ENDOV: variants seen among roughly 807,000 people sequenced by gnomAD.
The protein encoded by ENDOV is hEndoV.
A neutral mutation model predicts 39.4 loss-of-function variants in ENDOV; 37 were observed. That is an observed-to-expected ratio of 0.94 (90% CI 0.72 to 1.23). The LOEUF is 1.23. Among genes scored for constraint, ENDOV ranks in the 50% most tolerant of loss-of-function variants. The pLI is 0.00. For missense variants in ENDOV, 441 were observed against 375.7 expected (o/e 1.17, Z -1.44); for synonymous variants, 186 against 163.4 (o/e 1.14, Z -1.05).
At chr17:80,427,763 G>C (rs1406064726) in intron 7 of ENDOV, 2 of 1,289,344 alleles carry the variant, frequency 1.6e-6, no homozygotes, top group Non-Finnish European at 2.0e-6. Flanking sequence ...GGCCGTCTTG[G>C]TGGCCCCATG....
chr17:80,423,492 C>A, intron 4 of ENDOV, 28 bp from the exon 5 acceptor site: 3 of 1,522,904 alleles, frequency 2.0e-6, no homozygotes, highest in Non-Finnish European at 2.7e-6. Context: ...CCCACCTCCC[C>A]AACCCCACCC....
intron 2 of ENDOV, among the ~76,000 whole-genome samples, chr17:80,420,909 T>A (rs1180265340): frequency 1.3e-5 from 2 of 152,146 alleles, no homozygotes; most frequent in African/African-American, 4.8e-5. Context: ...ACTCCCAACC[T>A]CAGGTGATCG....
In ENDOV at chr17:80,436,904, G is replaced by C. The variant is rs947094596; in HGVS notation, c.*761G>C. The C allele has an allele frequency of 6.5e-6, 1 of 152,924 alleles. No individual in the cohort carries two copies. Among genetic ancestry groups the C allele is most frequent in the Non-Finnish European group, 1.5e-5 (1 of 68,346 alleles). The allele number at this position is 152,924 out of a possible 1,614,324, so 9.5% of individuals were successfully genotyped here. Reference sequence around the variant, plus strand: ...TGGGTCTTTGGGAGGATTTTGATTCGATTCAATCTATGTATTTGTTATAGA... The same window carrying C: ...TGGGTCTTTGGGAGGATTTTGATTCCATTCAATCTATGTATTTGTTATAGA... On this transcript the variant is annotated 3_prime_UTR_variant, in exon 10 of 10. Coordinates refer to ENST00000518137, the MANE Select transcript of ENDOV (RefSeq NM_173627.5).
Position 80,428,667 on chromosome 17 carries a change from A to G in ENDOV, c.779+7A>G. 18 of 1,573,752 alleles carry G rather than the reference A, an allele frequency of 1.1e-5. No individual in the cohort carries two copies. Among genetic ancestry groups the G allele is most frequent in the Non-Finnish European group, 1.5e-5 (17 of 1,159,984 alleles). ...CCGGGCCACCCACACCGAGGTGAGC[A>G]CCCAGGGAGGCTGGGGCACTAAAGG... On this transcript the variant is annotated splice_region_variant and intron_variant, in intron 8 of 9. Coordinates refer to ENST00000518137, the MANE Select transcript of ENDOV (RefSeq NM_173627.5).
rs1293626745 is a variant in ENDOV at position 80,427,621 on chromosome 17, C to G, written c.715-975C>G. ...AGGATCGTGTCCTGCAGGGCTGGCTCTGTCTCTCGGTCCATTTTCTTCCTG... is the reference window on the plus strand; with the variant it reads ...AGGATCGTGTCCTGCAGGGCTGGCTGTGTCTCTCGGTCCATTTTCTTCCTG... On this transcript the variant is annotated intron_variant, in intron 7 of 9. Transcript: ENST00000518137. 4.3e-6 allele frequency: 5 copies of G among 1,169,524 alleles called. No individual in the cohort carries two copies. In the South Asian group the frequency reaches 8.1e-5, roughly 19 times the overall value. 72.4% of individuals were successfully genotyped at this position (1,169,524 alleles called of 1,614,324 possible). A position where few individuals can be genotyped will look rare whatever the true frequency, so the allele number is the denominator to read the frequency against.
intron 7 of ENDOV, chr17:80,427,792 C>T: frequency 2.3e-6 from 3 of 1,289,090 alleles, no homozygotes; most frequent in African/African-American, 1.5e-5. Flanking sequence ...CGCTGCGGCG[C>T]TCCTGGTTGC....
chr17:80,416,868 C>T (rs1041728615), intron 2 of ENDOV: 20 of 152,346 alleles, frequency 1.3e-4, no homozygotes, highest in African/African-American at 4.8e-4. Context: ...AGTGATCCTC[C>T]CACCTTAGCC....
Position 80,438,050 on chromosome 17 carries a change from A to G in ENDOV, c.*1907A>G, listed in dbSNP as rs1228960426. The G allele has an allele frequency of 1.3e-5, 2 of 152,208 alleles. No homozygotes were observed. The highest frequency in any genetic ancestry group is 4.8e-5 in the African/African-American group (2 of 41,450). 9.4% of individuals were successfully genotyped at this position (152,208 alleles called of 1,614,324 possible). Reference sequence around the variant, plus strand: ...GGGACCTGGGTCTAGGATTCTCAGTAAGACCTTTGAATAAAACTAACTTGA... The same window carrying G: ...GGGACCTGGGTCTAGGATTCTCAGTGAGACCTTTGAATAAAACTAACTTGA... On this transcript the variant is annotated 3_prime_UTR_variant, in exon 10 of 10. Transcript: ENST00000518137.
At chr17:80,422,929 GA>G (rs1192848927) in intron 4 of ENDOV, among the ~76,000 whole-genome samples, 58 of 152,228 alleles carry the variant, frequency 3.8e-4, no homozygotes, top group African/African-American at 1.3e-3. Context: ...TTGATCTCCT[GA>G]CCTCGTGATC....
chr17:80,420,803 G>A lies in ENDOV; in HGVS notation c.229-1025G>A, dbSNP rs546065436. Among the ~76,000 whole-genome samples the A allele has an allele frequency of 3.9e-5, 6 of 152,310 alleles. No individual in the cohort carries two copies. The South Asian group carries it at 6.2e-4, about 16-fold the overall frequency. On this transcript the variant is annotated intron_variant, in intron 2 of 9. Transcript: ENST00000518137. ...AGCAGTTCTCCTGCCTCAGCCTCCC[G>A]AGTAGCTGGGATTACAGGCATGCGC...
At chr17:80,425,123 T>A in intron 6 of ENDOV, 23 bp downstream of exon 6, 1 of 1,592,162 alleles carries the variant, frequency 6.3e-7, no homozygotes, top group South Asian at 1.1e-5. Context: ...GGCCCTGAGC[T>A]CCTCCAAAGC....
chr17:80,422,858 C>G (rs901989493), intron 4 of ENDOV, among the ~76,000 whole-genome samples: 3 of 152,220 alleles, frequency 2.0e-5, no homozygotes, highest in Non-Finnish European at 4.4e-5. Flanking sequence ...CATCACCACG[C>G]CCGGCTAATT....
chr17:80,428,772 A>G lies in ENDOV; in HGVS notation c.779+112A>G, dbSNP rs922406389. 10 of 1,062,818 alleles carry G rather than the reference A, an allele frequency of 9.4e-6. No homozygotes were observed. The African/African-American group carries it at 1.6e-4, about 17-fold the overall frequency. 65.8% of individuals were successfully genotyped at this position (1,062,818 alleles called of 1,614,324 possible). ...TGCAATATTGTGGCTCAGGACAGAC[A>G]GTGCAGGGCCAGGGAAGGCAGGGGA... On this transcript the variant is annotated intron_variant, in intron 8 of 9. Coordinates refer to ENST00000518137, the MANE Select transcript of ENDOV (RefSeq NM_173627.5).
chr17:80,424,916 C>T lies in ENDOV; in HGVS notation c.517-116C>T, dbSNP rs41299830. Reference sequence around the variant, plus strand: ...GTTGCAGTGAGCTGAGATCGCGCCACTGTACTTCAGCCTGGGCAACAGTGC... The same window carrying T: ...GTTGCAGTGAGCTGAGATCGCGCCATTGTACTTCAGCCTGGGCAACAGTGC... On this transcript the variant is annotated intron_variant, in intron 5 of 9. Transcript: ENST00000518137. 8.1e-4 allele frequency: 670 copies of T among 829,586 alleles called. 5 individuals carry two copies. In the African/African-American group the frequency reaches 0.01, roughly 13 times the overall value. 51.4% of individuals were successfully genotyped at this position (829,586 alleles called of 1,614,324 possible). A position where few individuals can be genotyped will look rare whatever the true frequency, so the allele number is the denominator to read the frequency against.
chr17:80,429,647 G>A, intron 8 of ENDOV, 126 bp from the exon 9 acceptor site: 1 of 896,240 alleles, frequency 1.1e-6, no homozygotes, highest in Admixed American at 2.7e-5. Context: ...CCTGCCCTCT[G>A]CCCTGGGCTG....
chr17:80,427,990 G>A (rs1488567934), intron 7 of ENDOV: 3 of 922,846 alleles, frequency 3.3e-6, no homozygotes, highest in Non-Finnish European at 4.3e-6. Context: ...TGGGATCAGG[G>A]GGACTTCCCA....
At chr17:80,431,807 A>C (rs1433608389) in intron 9 of ENDOV, among the ~76,000 whole-genome samples, 1 of 152,156 alleles carries the variant, frequency 6.6e-6, no homozygotes, top group Admixed American at 6.5e-5. Flanking sequence ...GGGACGGCTC[A>C]CGGCCCTCCC....
intron 2 of ENDOV, chr17:80,417,081 G>C (rs1157104738): frequency 6.6e-6 from 1 of 152,136 alleles, no homozygotes; most frequent in Non-Finnish European, 1.5e-5. Flanking sequence ...ACATTGAAGT[G>C]CCCTTCTCAT....
intron 9 of ENDOV, among the ~76,000 whole-genome samples, chr17:80,430,645 G>A (rs1431183748): frequency 6.6e-6 from 1 of 152,246 alleles, no homozygotes; most frequent in African/African-American, 2.4e-5. Context: ...CCGAGGACGG[G>A]GGCAGCACAC....
Sources: allele counts gnomAD v4.1 joint callset (sites outside exome capture counted in the v4.1 genomes callset), GRCh38; gene constraint gnomAD v4.1.1; transcripts MANE v1.5; gene names NCBI Gene and HGNC (gene_info 2026-07-23, HGNC 2026-07-21).